Variants in ZNF438 observed in about 807,000 individuals in gnomAD.
ZNF438 encodes the protein zinc finger protein 438.
A neutral mutation model predicts 38.0 loss-of-function variants in ZNF438; 25 were observed. The ratio of observed to expected loss-of-function variants is 0.66; its 90% CI spans 0.48 to 0.92. The LOEUF (loss-of-function observed/expected upper bound fraction) is 0.92, where lower values mean the gene tolerates loss of function less well. ZNF438 is among the 40% of genes least tolerant of loss of function. The pLI is 0.00. For missense variants in ZNF438, 1,007 were observed against 999.6 expected (o/e 1.01, Z -0.10); for synonymous variants, 372 against 364.1 (o/e 1.02, Z -0.25).
rs191182658 is a variant in ZNF438, at chr10:30,863,838, T to C, written c.37+13160A>G. On this transcript the variant is annotated intron_variant, in intron 4 of 5. Coordinates refer to ENST00000413025, the Ensembl canonical transcript of ZNF438. Reference sequence around the variant, plus strand: ...AGAACCTTGCCTAGCTGGCCCCACCTTGTGCTCTCCACTTCCACCGCCTGT... The same window carrying C: ...AGAACCTTGCCTAGCTGGCCCCACCCTGTGCTCTCCACTTCCACCGCCTGT... 2.3e-3 allele frequency among the ~76,000 whole-genome samples: 352 copies of C among 152,332 alleles called. 1 individual carries two copies. Among genetic ancestry groups the C allele is most frequent in the Non-Finnish European group, 3.5e-3 (237 of 68,038 alleles).
At chr10:30,912,915 T>C (rs2134619821) in intron 2 of ZNF438, among the ~76,000 whole-genome samples, 1 of 152,262 alleles carries the variant, frequency 6.6e-6, no homozygotes, top group Middle Eastern at 3.4e-3. Context: ...AATGCTGTAA[T>C]CAGAAATCTA....
chr10:31,000,385 C>A (rs11595404), intron 1 of ZNF438, among the ~76,000 whole-genome samples: 1 of 152,232 alleles, frequency 6.6e-6, no homozygotes, highest in African/African-American at 2.4e-5. Context: ...GAATCAAAAT[C>A]TACCTTTTAA....
chr10:31,001,330 AGT>A (rs1355865773), intron 1 of ZNF438, among the ~76,000 whole-genome samples: 1 of 152,248 alleles, frequency 6.6e-6, no homozygotes, highest in African/African-American at 2.4e-5. Flanking sequence ...ATATCTTTCA[AGT>A]TATATGCACC....
Position 30,962,384 on chromosome 10 carries a change from T to C in ZNF438, c.-191-20733A>G, listed in dbSNP as rs561376826. 4.7e-5 allele frequency among the ~76,000 whole-genome samples: 7 copies of C among 147,496 alleles called. 1 individual carries two copies. The South Asian group carries it at 1.5e-3, about 32-fold the overall frequency. ...AAGCAACACATCTAAATAACGTGCA[T>C]GTGTGTATGAAAGTTTCATAGTGCA... On this transcript the variant is annotated intron_variant, in intron 1 of 5. Transcript: ENST00000413025.
chr10:30,933,152 G>A (rs1287913031), intron 2 of ZNF438, among the ~76,000 whole-genome samples: 1 of 152,146 alleles, frequency 6.6e-6, no homozygotes, highest in Non-Finnish European at 1.5e-5. Flanking sequence ...CAATCAATTT[G>A]CTATTTCCAA....
intron 3 of ZNF438, among the ~76,000 whole-genome samples, chr10:30,888,120 T>C (rs1055471657): frequency 5.3e-5 from 8 of 152,208 alleles, no homozygotes; most frequent in Non-Finnish European, 1.0e-4. Flanking sequence ...TATAGATAAA[T>C]GTTTTAATAT....
intron 2 of ZNF438, among the ~76,000 whole-genome samples, chr10:30,918,610 T>C (rs1175383826): frequency 6.6e-6 from 1 of 152,172 alleles, no homozygotes; most frequent in Non-Finnish European, 1.5e-5. Context: ...ATTAAAAACA[T>C]GAAAATCGTG....
At chr10:30,926,934 T>C (rs1435316879) in intron 2 of ZNF438, among the ~76,000 whole-genome samples, 4 of 152,198 alleles carry the variant, frequency 2.6e-5, no homozygotes. Context: ...AATTTTCCGA[T>C]GGCCATACAA....
intron 1 of ZNF438, among the ~76,000 whole-genome samples, chr10:30,982,612 A>G (rs2052342227): frequency 6.6e-6 from 1 of 152,178 alleles, no homozygotes; most frequent in African/African-American, 2.4e-5. Flanking sequence ...TTAAGTGTCT[A>G]TATCCTTTAA....
At chr10:31,017,342 T>C (rs1447189706) in intron 1 of ZNF438, among the ~76,000 whole-genome samples, 1 of 152,214 alleles carries the variant, frequency 6.6e-6, no homozygotes, top group African/African-American at 2.4e-5. Flanking sequence ...TGAAACAAAC[T>C]TGGAAGAGTA....
chr10:30,986,848 G>A lies in ZNF438; in HGVS notation c.-192+44985C>T, dbSNP rs569528113. On this transcript the variant is annotated intron_variant, in intron 1 of 5. Coordinates refer to ENST00000413025, the Ensembl canonical transcript of ZNF438. ...GATGCTCAATCTGTAGTAAGCAGAC[G>A]AATTCATGAAAACAAAATCTGTGAA... is the stretch of plus-strand genomic sequence containing the variant. Among the ~76,000 whole-genome samples, 72 of 152,192 alleles carry A rather than the reference G, an allele frequency of 4.7e-4. 1 individual carries two copies. The highest frequency in any genetic ancestry group is 1.6e-3 in the African/African-American group (66 of 41,540).
intron 3 of ZNF438, among the ~76,000 whole-genome samples, chr10:30,881,307 C>CA (rs2039222251): frequency 6.6e-6 from 1 of 151,944 alleles, no homozygotes; most frequent in African/African-American, 2.4e-5. Context: ...AATCAATATG[C>CA]AAAAATAAAT....
At chr10:31,024,442 C>A (rs1389078161) in intron 1 of ZNF438, among the ~76,000 whole-genome samples, 3 of 151,978 alleles carry the variant, frequency 2.0e-5, no homozygotes, top group African/African-American at 4.8e-5. Context: ...CTGGCTAACA[C>A]GGTGAAAACC....
At chr10:30,923,577 C>A (rs1235387963) in intron 2 of ZNF438, among the ~76,000 whole-genome samples, 1 of 152,160 alleles carries the variant, frequency 6.6e-6, no homozygotes, top group African/African-American at 2.4e-5. Context: ...TTACGCGCAC[C>A]CTTTCCCCCA....
intron 2 of ZNF438, among the ~76,000 whole-genome samples, chr10:30,911,592 A>G (rs2043083451): frequency 6.6e-6 from 1 of 152,134 alleles, no homozygotes; most frequent in African/African-American, 2.4e-5. Flanking sequence ...ACAAATTCTC[A>G]TCTCCTCAAA....
chr10:30,893,700 A>C (rs1445012105), intron 3 of ZNF438, among the ~76,000 whole-genome samples: 1 of 152,116 alleles, frequency 6.6e-6, no homozygotes, highest in African/African-American at 2.4e-5. Flanking sequence ...CAATTAACCC[A>C]ATTTTTAACT....
At chr10:31,018,485 C>T (rs951713701) in intron 1 of ZNF438, among the ~76,000 whole-genome samples, 9 of 152,164 alleles carry the variant, frequency 5.9e-5, no homozygotes, top group African/African-American at 2.2e-4. Context: ...TCTCACTGAA[C>T]ATTTTGCCAC....
At chr10:30,902,771 C>T (rs980552145) in intron 3 of ZNF438, among the ~76,000 whole-genome samples, 34 of 152,214 alleles carry the variant, frequency 2.2e-4, no homozygotes, top group Admixed American at 1.9e-3. Flanking sequence ...CCCACCGGGC[C>T]GCAGGTGGAG....
chr10:30,848,902 G>A (rs1322229182), exon 5 of ZNF438: 4 of 1,614,218 alleles, frequency 2.5e-6, no homozygotes, highest in Admixed American at 1.7e-5. Flanking sequence ...GCTTCTTAAT[G>A]CCAGAGAATC....
Sources: allele counts gnomAD v4.1 joint callset (sites outside exome capture counted in the v4.1 genomes callset), GRCh38; gene constraint gnomAD v4.1.1; transcripts MANE v1.5; gene names NCBI Gene and HGNC (gene_info 2026-07-23, HGNC 2026-07-21).